Variants in NAB2 observed in about 807,000 individuals in gnomAD.
NAB2 encodes the protein NGFI-A binding protein 2.
NAB2 carries 9 observed loss-of-function variants against 44.2 expected under a neutral mutation model. That is an observed-to-expected ratio of 0.20 (90% CI 0.12 to 0.36). The LOEUF is 0.36. Ranked by LOEUF, NAB2 falls within the 10% of genes least tolerant of loss-of-function variation. The pLI is 1.00. For synonymous variants in NAB2, 342 were observed against 291.0 expected, an observed-to-expected ratio of 1.18 and a Z score of -1.78; for missense variants, 514 against 709.0, an observed-to-expected ratio of 0.73 and a Z score of 3.12.
At chr12:57,092,705 C>A in intron 3 of NAB2, 124 bp downstream of exon 3, 1 of 1,397,080 alleles carries the variant, frequency 7.2e-7, no homozygotes, top group Non-Finnish European at 9.7e-7. Flanking sequence ...CTGCTTTTGG[C>A]CAAGTCAGCT....
rs748766002 is a variant in NAB2 at position 57,093,164 on chromosome 12, G to A, written c.1245G>A (p.Leu415=). The part of the protein sequence containing the change: ...RPSLEEDSAS[L]SGESLDGHLQ... ...GCCTGGAGGAGGACAGCGCCAGCCT[G>A]TCTGGGGAGAGTCTGGATGGACATT... The change falls in exon 5 of 7, where the codon CTG becomes CTA. Residue 415 remains leucine (L), a synonymous_variant. Transcript: ENST00000300131. 2.2e-5 allele frequency: 36 copies of A among 1,612,250 alleles called. No homozygotes were observed. In the Admixed American group the frequency reaches 5.8e-4, roughly 26 times the overall value.
At chr12:57,092,999 T>TG in intron 4 of NAB2, 31 bp downstream of exon 4, 1 of 1,614,164 alleles carries the variant, frequency 6.2e-7, no homozygotes, top group East Asian at 2.2e-5. Flanking sequence ...ATAGGGGCAC[T>TG]GGGCAGCCTT....
rs1352827060 is a variant in NAB2, at chr12:57,093,081, C to G, written c.1162C>G (p.Pro388Ala). 1.9e-6 allele frequency: 3 copies of G among 1,612,712 alleles called. No homozygotes were observed. In the East Asian group the frequency reaches 6.7e-5, roughly 36 times the overall value. The change falls in exon 5 of 7, where the codon CCT becomes GCT. Residue 388 changes from proline to alanine, a missense_variant. By Grantham distance (27) the Pro-to-Ala change is conservative. Coordinates refer to ENST00000300131, the MANE Select transcript of NAB2 (RefSeq NM_005967.4). Reference sequence around the variant, plus strand: ...TCCACAGGTTGGAGAACAGAGTCACCCTGAAATCCAGCAGCCTCCCCCAGG... The same window carrying G: ...TCCACAGGTTGGAGAACAGAGTCACGCTGAAATCCAGCAGCCTCCCCCAGG... ...LKQEVGEQSH[P>A]EIQQPPPGPE...
chr12:57,089,729 G>A (rs2033137809), intron 1 of NAB2, among the ~76,000 whole-genome samples: 1 of 152,086 alleles, frequency 6.6e-6, no homozygotes, highest in Non-Finnish European at 1.5e-5. Flanking sequence ...TTGGCACGGA[G>A]CGCGCGGGCC....
chr12:57,093,523 C>T lies in NAB2; in HGVS notation c.1393C>T (p.Arg465Trp). Residue 465 changes from arginine (R) to tryptophan (W), a missense_variant, in exon 6 of 7, where the codon CGG becomes TGG. Coordinates refer to ENST00000300131, the MANE Select transcript of NAB2 (RefSeq NM_005967.4). The part of the protein sequence containing the change: ...LQQTLMDEGL[R>W]LARLVSHDRV... ...GCAGACACTGATGGACGAGGGGCTG[C>T]GGCTCGCCCGCCTCGTCTCCCACGA... is the stretch of plus-strand genomic sequence containing the variant. 1 of 1,561,918 alleles carries T rather than the reference C, an allele frequency of 6.4e-7. No homozygotes were observed.
In NAB2 at chr12:57,092,945, C is replaced by T; in HGVS notation, c.1120C>T (p.Pro374Ser). 1 of 1,614,218 alleles carries T rather than the reference C, an allele frequency of 6.2e-7. No individual in the cohort carries two copies. Residue 374 changes from proline to serine, a missense_variant, in exon 4 of 7, where the codon CCA becomes TCA. Pro to Ser is a moderately conservative substitution (Grantham distance 74). This residue lies in a region of NAB2 where 194 missense variants were observed against 223.9 expected (regional missense o/e 0.87). Coordinates refer to ENST00000300131, the MANE Select transcript of NAB2 (RefSeq NM_005967.4). The stretch of plus-strand genomic sequence containing the variant: ...TCACCCTGAAGAACTGGGAGGCCCT[C>T]CACTGAAGAAGCTGAAACAAGAGGT... The part of the protein sequence containing the change: ...RLHPEELGGP[P>S]LKKLKQEVGE...
chr12:57,092,941 C>T lies in NAB2; in HGVS notation c.1116C>T (p.Gly372=), dbSNP rs1411230330. ...GGCTTCACCCTGAAGAACTGGGAGG[C>T]CCTCCACTGAAGAAGCTGAAACAAG... ...GSRLHPEELG[G]PPLKKLKQEV... is the part of the protein sequence containing the mutation. The change falls in exon 4 of 7, where the codon GGC becomes GGT. Residue 372 remains glycine (G), a synonymous_variant. Transcript: ENST00000300131. 5.0e-6 allele frequency: 8 copies of T among 1,614,078 alleles called. No individual in the cohort carries two copies. In the African/African-American group the frequency reaches 5.3e-5, roughly 11 times the overall value.
Position 57,091,608 on chromosome 12 carries a change from C to T in NAB2, c.567C>T (p.Ser189=). 6.2e-7 allele frequency: 1 copy of T among 1,604,324 alleles called. No individual in the cohort carries two copies. The highest frequency in any genetic ancestry group is 1.1e-5 in the South Asian group (1 of 89,868). Reference sequence around the variant, plus strand: ...ACCCCCGGATCTGGCCAGGCCGGAGCACTCCAGAGTCGGACGTTGGGGCAG... The same window carrying T: ...ACCCCCGGATCTGGCCAGGCCGGAGTACTCCAGAGTCGGACGTTGGGGCAG... ...AGDPRIWPGR[S]TPESDVGAGG... The change falls in exon 2 of 7, where the codon AGC becomes AGT. Residue 189 remains serine, a synonymous_variant. Transcript: ENST00000300131. The surrounding 1 kb of genome is among the most constrained non-coding windows in gnomAD (Gnocchi z 7.3).
chr12:57,089,546 G>A (rs916208765), intron 1 of NAB2, among the ~76,000 whole-genome samples, 192 bp downstream of exon 1: 9 of 152,138 alleles, frequency 5.9e-5, no homozygotes, highest in Non-Finnish European at 8.8e-5. Context: ...GATGAAGCTG[G>A]ATATGAAAGA....
At chr12:57,093,864 C>G (rs2033260345) in intron 6 of NAB2, among the ~76,000 whole-genome samples, 1 of 152,046 alleles carries the variant, frequency 6.6e-6, no homozygotes, top group Admixed American at 6.5e-5. Flanking sequence ...GATGAAGGAG[C>G]AGGAAGGAGG....
Position 57,093,174 on chromosome 12 carries a change from A to C in NAB2, c.1255A>C (p.Ser419Arg), listed in dbSNP as rs1213334828. 1 of 1,578,042 alleles carries C rather than the reference A, an allele frequency of 6.3e-7. No homozygotes were observed. The highest frequency in any genetic ancestry group is 8.6e-7 in the Non-Finnish European group (1 of 1,159,150). Residue 419 changes from serine (S) to arginine (R), a missense_variant, in exon 5 of 7, where the codon AGT (serine) becomes CGT (arginine). Physicochemically the swap from Ser to Arg is moderately radical, Grantham distance 110 (BLOSUM62 -1). Transcript: ENST00000300131. ...GGACAGCGCCAGCCTGTCTGGGGAGAGTCTGGATGGACATTTGCAGGGTGA... is the reference window on the plus strand; with the variant it reads ...GGACAGCGCCAGCCTGTCTGGGGAGCGTCTGGATGGACATTTGCAGGGTGA... ...EEDSASLSGESLDGHLQAVGS... is the reference protein window; with the variant it reads ...EEDSASLSGERLDGHLQAVGS...
In NAB2 at chr12:57,091,504, G is replaced by T; in HGVS notation, c.463G>T (p.Ala155Ser). Residue 155 changes from alanine (A) to serine (S), a missense_variant, in exon 2 of 7, where the codon GCC (alanine) becomes TCC (serine). Transcript: ENST00000300131. This position sits in a 1 kb window ranked among gnomAD's most constrained non-coding sequence, Gnocchi z 7.3. ...HGSPGEKAGSARSFSPKSPLE... is the reference protein window; with the variant it reads ...HGSPGEKAGSSRSFSPKSPLE... ...CAGCCCAGGGGAAAAGGCAGGCAGTGCCCGCAGTTTTAGCCCCAAGAGCCC... is the reference window on the plus strand; with the variant it reads ...CAGCCCAGGGGAAAAGGCAGGCAGTTCCCGCAGTTTTAGCCCCAAGAGCCC... 6.2e-7 allele frequency: 1 copy of T among 1,614,048 alleles called. No individual in the cohort carries two copies. The highest frequency in any genetic ancestry group is 8.5e-7 in the Non-Finnish European group (1 of 1,180,006).
intron 5 of NAB2, 87 bp from the exon 6 acceptor site, chr12:57,093,320 C>A: frequency 1.4e-6 from 2 of 1,459,912 alleles, no homozygotes; most frequent in South Asian, 2.8e-5. Flanking sequence ...GGAGGGGGGG[C>A]AGAAGGGCCT....
intron 3 of NAB2, 105 bp downstream of exon 3, chr12:57,092,686 C>T: frequency 6.9e-7 from 1 of 1,448,192 alleles, no homozygotes; most frequent in Non-Finnish European, 9.3e-7. Context: ...TCCCGCCCAC[C>T]TGGATGTCCT....
Position 57,091,159 on chromosome 12 carries a change from C to G in NAB2, c.118C>G (p.Leu40Val), listed in dbSNP as rs150272271. ...CCGAGCCATGGCACTGCCTCGGACGCTGGGGGAGCTGCAGCTGTACCGGGT... is the reference window on the plus strand; with the variant it reads ...CCGAGCCATGGCACTGCCTCGGACGGTGGGGGAGCTGCAGCTGTACCGGGT... ...SARAMALPRT[L>V]GELQLYRVLQ... The change falls in exon 2 of 7, where the codon CTG becomes GTG. Residue 40 changes from leucine (L) to valine (V), a missense_variant. Physicochemically the swap from Leu to Val is conservative, Grantham distance 32 (BLOSUM62 1). This residue lies in a region of NAB2 where 34 missense variants were observed against 130.5 expected (regional missense o/e 0.26). Transcript: ENST00000300131. This position sits in a 1 kb window ranked among gnomAD's most constrained non-coding sequence, Gnocchi z 7.3. The G allele has an allele frequency of 3.3e-6, 5 of 1,530,922 alleles. No homozygotes were observed. In the African/African-American group the frequency reaches 6.9e-5, roughly 21 times the overall value. 94.8% of individuals were successfully genotyped at this position (1,530,922 alleles called of 1,614,324 possible). A position where few individuals can be genotyped will look rare whatever the true frequency, so the allele number is the denominator to read the frequency against.
chr12:57,090,340 C>T (rs910129387), intron 1 of NAB2, among the ~76,000 whole-genome samples: 1 of 152,078 alleles, frequency 6.6e-6, no homozygotes, highest in Non-Finnish European at 1.5e-5. Flanking sequence ...AAAAATTAGC[C>T]GGGCATGGTG....
At position 57,093,920 on chromosome 12, in the gene NAB2, G is replaced by A. The variant is rs1461047615; in HGVS notation, c.1468+322G>A. Among the ~76,000 whole-genome samples, 3 of 152,160 alleles carry A rather than the reference G, an allele frequency of 2.0e-5. No individual in the cohort carries two copies. In the East Asian group the frequency reaches 5.8e-4, roughly 29 times the overall value. ...AGATGGCACTTCCACCAACCCAGGA[G>A]TGGGGAGCAGGCTAGGAGTTGTGGG... On this transcript the variant is annotated intron_variant, in intron 6 of 6. Transcript: ENST00000300131.
At chr12:57,093,291 A>T in intron 5 of NAB2, 96 bp downstream of exon 5, 2 of 1,416,194 alleles carry the variant, frequency 1.4e-6, no homozygotes, top group Non-Finnish European at 1.9e-6. Context: ...TGCCTGAAAC[A>T]GGGTTGGGAG....
At chr12:57,092,284 G>A in intron 2 of NAB2, 164 bp from the exon 3 acceptor site, 1 of 1,145,518 alleles carries the variant, frequency 8.7e-7, no homozygotes, top group Non-Finnish European at 1.2e-6. Context: ...TGTGGGTGCT[G>A]ACCTCTGTCT....
Sources: gnomAD v4.1 joint callset for allele counts (sites outside exome capture counted in the v4.1 genomes callset) on GRCh38, gnomAD v4.1.1 for gene constraint, gnomAD v4.1.1 regional missense constraint, Gnocchi (gnomAD v3.1) non-coding constraint, MANE v1.5 for transcripts, NCBI Gene and HGNC (gene_info 2026-07-23, HGNC 2026-07-21) for gene names.